ST13: variants seen among roughly 807,000 people sequenced by gnomAD.
ST13 encodes the protein ST13 Hsp70 interacting protein.
ST13 carries 23 observed loss-of-function variants against 56.7 expected under a neutral mutation model. The ratio of observed to expected loss-of-function variants is 0.41; its 90% CI spans 0.29 to 0.57. The LOEUF (loss-of-function observed/expected upper bound fraction) is 0.57. Among genes scored for constraint, ST13 ranks in the 20% least tolerant of loss-of-function variants. The pLI is 0.36. For missense variants in ST13, 369 were observed against 459.9 expected (o/e 0.80, Z 1.81); for synonymous variants, 132 against 142.4 (o/e 0.93, Z 0.52).
intron 1 of ST13, 66 bp downstream of exon 1, chr22:40,856,365 C>G: frequency 2.1e-6 from 3 of 1,425,232 alleles, no homozygotes; most frequent in Admixed American, 1.7e-5. Context: ...CGAGCCAGGT[C>G]CAGCCTGGCT....
At position 40,846,285 on chromosome 22, in the gene ST13, T is replaced by C. The variant is rs59918095; in HGVS notation, c.245-1376A>G. Among the ~76,000 whole-genome samples the C allele has an allele frequency of 1.2e-3, 182 of 152,298 alleles. 7 individuals carry two copies. In the East Asian group the frequency reaches 0.033, roughly 28 times the overall value. ...TTTCACTTTACTGCACCTCACATAATGAAATGATTCTCACCCATCATATTA... is the reference window on the plus strand; with the variant it reads ...TTTCACTTTACTGCACCTCACATAACGAAATGATTCTCACCCATCATATTA... On this transcript the variant is annotated intron_variant, in intron 3 of 11. Transcript: ENST00000216218.
chr22:40,856,401 C>G lies in ST13; in HGVS notation c.110+30G>C, dbSNP rs114335736. On this transcript the variant is annotated intron_variant, in intron 1 of 11. Transcript: ENST00000216218. The stretch of plus-strand genomic sequence containing the variant: ...CCCCCCTGGGGCCGTGCTTCCCCCG[C>G]CCCCAACGGTCCTCAGGCCTGGGTC... 2.3e-3 allele frequency: 3,554 copies of G among 1,574,590 alleles called. 82 individuals are homozygous for G. In the African/African-American group the frequency reaches 0.044, roughly 19 times the overall value.
At chr22:40,833,211 A>G (rs1342178896) in intron 7 of ST13, among the ~76,000 whole-genome samples, 2 of 152,166 alleles carry the variant, frequency 1.3e-5, no homozygotes, top group Non-Finnish European at 2.9e-5. Flanking sequence ...TGCTTTACAT[A>G]CTCAAAAAAT....
At chr22:40,836,165 AAGT>A (rs149052158) in intron 5 of ST13, among the ~76,000 whole-genome samples, 1,863 of 152,284 alleles carry the variant, frequency 0.012, 36 homozygotes, top group African/African-American at 0.042. Context: ...TTTAAGGAAA[AAGT>A]AGACGGGCAC....
intron 5 of ST13, among the ~76,000 whole-genome samples, chr22:40,839,533 G>A (rs1052313604): frequency 6.6e-6 from 1 of 152,168 alleles, no homozygotes; most frequent in Admixed American, 6.6e-5. Flanking sequence ...GGGAGGCAGA[G>A]GCGGGCACAT....
At chr22:40,854,047 T>C (rs1369920689) in intron 1 of ST13, among the ~76,000 whole-genome samples, 2 of 152,230 alleles carry the variant, frequency 1.3e-5, no homozygotes, top group African/African-American at 2.4e-5. Context: ...TTATATCAAA[T>C]AAAACTAAGC....
chr22:40,849,479 CAAAA>C (rs57060131), intron 2 of ST13, among the ~76,000 whole-genome samples: 66 of 55,100 alleles, frequency 1.2e-3, no homozygotes, highest in Middle Eastern at 0.018. Flanking sequence ...GACTCTGTCT[CAAAA>C]AAAAAAAAAA....
intron 9 of ST13, among the ~76,000 whole-genome samples, chr22:40,830,434 T>C (rs1342711025): frequency 6.6e-6 from 1 of 152,150 alleles, no homozygotes; most frequent in Non-Finnish European, 1.5e-5. Flanking sequence ...GCTGGGACTA[T>C]AGGCACTTGC....
At chr22:40,847,556 G>GAA (rs1177807946) in intron 3 of ST13, among the ~76,000 whole-genome samples, 5 of 83,986 alleles carry the variant, frequency 6.0e-5, no homozygotes, top group Non-Finnish European at 7.4e-5. Flanking sequence ...CTCAAAAAAA[G>GAA]AAAAAAAAAA....
intron 1 of ST13, among the ~76,000 whole-genome samples, chr22:40,852,707 C>T (rs1273636978): frequency 6.6e-6 from 1 of 152,198 alleles, no homozygotes; most frequent in Non-Finnish European, 1.5e-5. Context: ...TGATCCAAAA[C>T]ATCCTAATCT....
At chr22:40,846,997 C>CA (rs903394925) in intron 3 of ST13, among the ~76,000 whole-genome samples, 5 of 150,770 alleles carry the variant, frequency 3.3e-5, no homozygotes, top group African/African-American at 4.9e-5. Context: ...TCAAGTCTTC[C>CA]AAAAAAACCC....
rs143083477 is a variant in ST13 at position 40,833,740 on chromosome 22, G to A, written c.579-1069C>T. Reference sequence around the variant, plus strand: ...TAAAAAATTTGCCACACATGGTAGCGCACACCTGTAATCCCAGCTACTTGG... The same window carrying A: ...TAAAAAATTTGCCACACATGGTAGCACACACCTGTAATCCCAGCTACTTGG... On this transcript the variant is annotated intron_variant, in intron 7 of 11. Coordinates refer to ENST00000216218, the MANE Select transcript of ST13 (RefSeq NM_003932.5). Among the ~76,000 whole-genome samples, 627 of 151,164 alleles carry A rather than the reference G, an allele frequency of 4.1e-3. 2 individuals carry two copies. The highest frequency in any genetic ancestry group is 0.014 in the African/African-American group (560 of 41,152).
At chr22:40,832,000 G>A (rs559462534) in intron 8 of ST13, 22 of 320,980 alleles carry the variant, frequency 6.9e-5, no homozygotes, top group African/African-American at 3.7e-4. Context: ...CTACGTAGGC[G>A]CATGCCACCA....
chr22:40,854,300 GT>G lies in ST13; in HGVS notation c.110+2130del, dbSNP rs1356123344. 2.0e-5 allele frequency among the ~76,000 whole-genome samples: 3 copies of G among 152,060 alleles called. No individual in the cohort carries two copies. The East Asian group carries it at 5.8e-4, about 29-fold the overall frequency. On this transcript the variant is annotated intron_variant, in intron 1 of 11. Transcript: ENST00000216218. ...GGCCTCAGAGTTTATAAAAATCTTA[GT>G]TTAAATACAGAAATAAAGAGAAAAA...
chr22:40,828,669 G>T (rs1312243946), intron 10 of ST13, among the ~76,000 whole-genome samples: 1 of 151,834 alleles, frequency 6.6e-6, no homozygotes, highest in African/African-American at 2.4e-5. Context: ...TCTACAAAGG[G>T]TCACTGTAAG....
rs1433291685 is a variant in ST13 at position 40,830,921 on chromosome 22, C to T, written c.717G>A (p.Glu239=). The T allele has an allele frequency of 1.2e-6, 2 of 1,602,648 alleles. No individual in the cohort carries two copies. Among genetic ancestry groups the T allele is most frequent in the Non-Finnish European group, 1.7e-6 (2 of 1,179,464 alleles). The change falls in exon 9 of 12, where the codon GAG becomes GAA. Residue 239 remains glutamate (E), a synonymous_variant. Coordinates refer to ENST00000216218, the MANE Select transcript of ST13 (RefSeq NM_003932.5). ...QKIAEHRRKY[E]RKREEREIKE... is the part of the protein sequence containing the mutation. ...TGATCTCTCGCTCTTCACGTTTTCGCTCATACTTTCTCCGATGTTCTGCAA... is the reference window on the plus strand; with the variant it reads ...TGATCTCTCGCTCTTCACGTTTTCGTTCATACTTTCTCCGATGTTCTGCAA...
At chr22:40,836,042 G>A in intron 5 of ST13, 155 bp from the exon 6 acceptor site, 1 of 610,884 alleles carries the variant, frequency 1.6e-6, no homozygotes, top group East Asian at 2.9e-5. Context: ...GCTCTTGAAA[G>A]CAAATCTTAC....
intron 10 of ST13, among the ~76,000 whole-genome samples, chr22:40,829,092 G>A (rs1035017170): frequency 1.3e-5 from 2 of 152,090 alleles, no homozygotes; most frequent in African/African-American, 4.8e-5. Context: ...TTTGTTTTCT[G>A]TTGCTGTGCA....
At chr22:40,835,728 C>T in intron 6 of ST13, 58 bp from the exon 7 acceptor site, 6 of 1,597,948 alleles carry the variant, frequency 3.8e-6, no homozygotes, top group Non-Finnish European at 4.3e-6. Flanking sequence ...TTGGGATCAA[C>T]ACAGAAGCAA....
Sources: allele counts gnomAD v4.1 joint callset (sites outside exome capture counted in the v4.1 genomes callset), GRCh38; gene constraint gnomAD v4.1.1; transcripts MANE v1.5; gene names NCBI Gene and HGNC (gene_info 2026-07-23, HGNC 2026-07-21).